MOB1A: variants seen among roughly 807,000 people sequenced by gnomAD.
MOB1A encodes the protein MOB1 Mps One Binder homolog A.
Under a neutral mutation model 25.1 loss-of-function variants are expected in MOB1A, and 10 were observed. The ratio of observed to expected loss-of-function variants is 0.40; its 90% CI spans 0.25 to 0.68. The LOEUF is 0.68. Ranked by LOEUF, MOB1A falls within the 30% of genes least tolerant of loss-of-function variation. MOB1A has a pLI of 0.40. For synonymous variants in MOB1A, 81 were observed against 79.5 expected, an observed-to-expected ratio of 1.02 and a Z score of -0.10; for missense variants, 177 against 256.3, an observed-to-expected ratio of 0.69 and a Z score of 2.11.
chr2:74,175,969 G>GGC (rs1411691222), intron 1 of MOB1A, among the ~76,000 whole-genome samples: 26 of 151,986 alleles, frequency 1.7e-4, no homozygotes, highest in Admixed American at 7.2e-4. Context: ...AAAAGAGCCG[G>GGC]GTGCAGTGGC....
chr2:74,154,280 C>G lies in MOB1A; in HGVS notation c.*2288G>C, dbSNP rs1692743086. ...ACTCAGGAAGGCGCCATCCTCTTCC[C>G]ATTATCTCCCCTTCCTCCAATTCTC... On this transcript the variant is annotated 3_prime_UTR_variant, in exon 6 of 6. Transcript: ENST00000396049. The G allele has an allele frequency of 6.6e-6, 1 of 152,168 alleles. No homozygotes were observed. Among genetic ancestry groups the G allele is most frequent in the Non-Finnish European group, 1.5e-5 (1 of 68,038 alleles). The allele number at this position is 152,168 out of a possible 1,614,324, so 9.4% of individuals were successfully genotyped here. A position where few individuals can be genotyped will look rare whatever the true frequency, so the allele number is the denominator to read the frequency against.
At chr2:74,173,997 G>A (rs1328181809) in intron 1 of MOB1A, among the ~76,000 whole-genome samples, 6 of 147,720 alleles carry the variant, frequency 4.1e-5, no homozygotes, top group Admixed American at 2.0e-4. Flanking sequence ...GGCTAGGTGC[G>A]GTGGCTCACA....
intron 3 of MOB1A, among the ~76,000 whole-genome samples, chr2:74,166,340 A>G (rs1472080218): frequency 6.6e-6 from 1 of 152,240 alleles, no homozygotes; most frequent in Non-Finnish European, 1.5e-5. Context: ...GATCAACTAA[A>G]AACTCTTCCA....
chr2:74,173,387 T>TG (rs1693353690), intron 1 of MOB1A, among the ~76,000 whole-genome samples: 2 of 145,574 alleles, frequency 1.4e-5, no homozygotes, highest in South Asian at 2.3e-4. Context: ...TTTTTTTTTT[T>TG]TTTTTTTTTT....
chr2:74,158,546 T>G (rs996287746), intron 5 of MOB1A, among the ~76,000 whole-genome samples: 3 of 152,062 alleles, frequency 2.0e-5, no homozygotes, highest in African/African-American at 7.2e-5. Flanking sequence ...TTCCAGCACT[T>G]TGGGAGGCCG....
At chr2:74,171,787 C>T (rs189845453) in intron 2 of MOB1A, among the ~76,000 whole-genome samples, 31 of 152,088 alleles carry the variant, frequency 2.0e-4, no homozygotes, top group African/African-American at 7.2e-4. Flanking sequence ...CCTGTAATCC[C>T]AGCTACTCAG....
rs1441041937 is a variant in MOB1A at position 74,153,043 on chromosome 2, G to C, written c.*3525C>G. 1 of 152,162 alleles carries C rather than the reference G, an allele frequency of 6.6e-6. No homozygotes were observed. The highest frequency in any genetic ancestry group is 1.5e-5 in the Non-Finnish European group (1 of 68,024). 9.4% of individuals were successfully genotyped at this position (152,162 alleles called of 1,614,324 possible). A position where few individuals can be genotyped will look rare whatever the true frequency, so the allele number is the denominator to read the frequency against. On this transcript the variant is annotated 3_prime_UTR_variant, in exon 6 of 6. Transcript: ENST00000396049. ...AGGACTACTATTTTACCTCTTTTCA[G>C]AACTCTACAATAGTAGAAACTAAAT...
At position 74,152,963 on chromosome 2, in the gene MOB1A, C is replaced by A. The variant is rs1211475769; in HGVS notation, c.*3605G>T. 6.6e-6 allele frequency: 1 copy of A among 152,198 alleles called. No individual in the cohort carries two copies. The highest frequency in any genetic ancestry group is 1.5e-5 in the Non-Finnish European group (1 of 68,034). 9.4% of individuals were successfully genotyped at this position (152,198 alleles called of 1,614,324 possible). ...TGCTACCACATGTACTATCATCCCC[C>A]AAGGCCTTTTACAGTCTGAAATATC... On this transcript the variant is annotated 3_prime_UTR_variant, in exon 6 of 6. Transcript: ENST00000396049.
At position 74,178,706 on chromosome 2, in the gene MOB1A, C is replaced by CA; in HGVS notation, c.-33_-32insT. ...TCCTCAGAGGGGAGGCGAGGGGCCC[C>CA]TGGCCCCCGCCTGGATCAGGATTCG... On this transcript the variant is annotated 5_prime_UTR_variant, in exon 1 of 6. In the 5' UTR this introduces an upstream ATG that the reference lacks. Transcript: ENST00000396049. 1 of 1,270,824 alleles carries CA rather than the reference C, an allele frequency of 7.9e-7. No individual in the cohort carries two copies. The allele number at this position is 1,270,824 out of a possible 1,614,324, so 78.7% of individuals were successfully genotyped here. A position where few individuals can be genotyped will look rare whatever the true frequency, so the allele number is the denominator to read the frequency against.
chr2:74,167,837 A>G (rs1224892241), intron 2 of MOB1A, among the ~76,000 whole-genome samples: 1 of 152,154 alleles, frequency 6.6e-6, no homozygotes, highest in Non-Finnish European at 1.5e-5. Flanking sequence ...ATTAAAAGAG[A>G]TGAATAATAT....
intron 4 of MOB1A, among the ~76,000 whole-genome samples, chr2:74,160,884 C>G (rs1692949418): frequency 6.6e-6 from 1 of 151,938 alleles, no homozygotes; most frequent in Non-Finnish European, 1.5e-5. Flanking sequence ...CATGGTGAAA[C>G]CCTGTCTCTA....
intron 1 of MOB1A, among the ~76,000 whole-genome samples, chr2:74,173,806 G>A (rs1372641593): frequency 4.0e-5 from 6 of 150,352 alleles, no homozygotes; most frequent in Non-Finnish European, 5.9e-5. Flanking sequence ...AAAATTAGCC[G>A]GGCGTGGTGG....
chr2:74,164,781 G>A (rs1693079527), intron 4 of MOB1A: 1 of 136,224 alleles, frequency 7.3e-6, no homozygotes, highest in Admixed American at 7.3e-5. Flanking sequence ...AACACACAAT[G>A]ATCAATAAAA....
chr2:74,166,808 C>T (rs72917181), intron 3 of MOB1A, among the ~76,000 whole-genome samples: 2 of 152,112 alleles, frequency 1.3e-5, no homozygotes, highest in Admixed American at 1.3e-4. Context: ...TGCAATCCAG[C>T]CTGGCAACAG....
chr2:74,176,083 T>C (rs1572968881), intron 1 of MOB1A, among the ~76,000 whole-genome samples: 1 of 129,266 alleles, frequency 7.7e-6, no homozygotes, highest in Non-Finnish European at 1.6e-5. Context: ...CCGCCTCTAC[T>C]ACACACACAC....
chr2:74,168,069 G>A (rs1216134269), intron 2 of MOB1A, among the ~76,000 whole-genome samples: 1 of 152,188 alleles, frequency 6.6e-6, no homozygotes, highest in Non-Finnish European at 1.5e-5. Flanking sequence ...AGCCCAGGAG[G>A]CTGAGGTTGC....
chr2:74,159,849 C>G (rs1367691630), intron 4 of MOB1A, among the ~76,000 whole-genome samples: 1 of 131,572 alleles, frequency 7.6e-6, no homozygotes, highest in Non-Finnish European at 1.6e-5. Context: ...CTGAGCCTCA[C>G]TCTGTCACCC....
At chr2:74,171,720 T>C (rs1180448815) in intron 2 of MOB1A, among the ~76,000 whole-genome samples, 1 of 152,120 alleles carries the variant, frequency 6.6e-6, no homozygotes, top group East Asian at 1.9e-4. Flanking sequence ...CTGGGCAACA[T>C]GGTGAAACCT....
At chr2:74,173,766 C>A (rs558681897) in intron 1 of MOB1A, among the ~76,000 whole-genome samples, 2 of 145,636 alleles carry the variant, frequency 1.4e-5, no homozygotes, top group South Asian at 2.2e-4. Flanking sequence ...CTGGCTAACA[C>A]GGTGAAACCC....
Sources: allele counts gnomAD v4.1 joint callset (sites outside exome capture counted in the v4.1 genomes callset), GRCh38; gene constraint gnomAD v4.1.1; transcripts MANE v1.5; gene names NCBI Gene and HGNC (gene_info 2026-07-23, HGNC 2026-07-21).